The following DPP6 variants were observed in gnomAD, a reference collection of about 807,000 sequenced individuals.
DPP6 encodes the protein A-type potassium channel modulatory protein DPP6.
In DPP6, 69 loss-of-function variants were observed where a neutral mutation model predicts 122.6. The ratio of observed to expected loss-of-function variants is 0.56; its 90% confidence interval spans 0.46 to 0.69. The LOEUF (loss-of-function observed/expected upper bound fraction) is 0.69, where lower values mean the gene tolerates loss of function less well. Among genes scored for constraint, DPP6 ranks in the 30% least tolerant of loss-of-function variants. The probability of loss-of-function intolerance (pLI) is 0.00; values close to 1 mark genes in which losing one functional copy is unlikely to be tolerated. For synonymous variants in DPP6, 418 were observed against 433.1 expected (o/e 0.97, Z 0.43); for missense variants, 928 against 1,116.9 (o/e 0.83, Z 2.41).
At chr7:154,555,299 A>T (rs1176652428) in intron 4 of DPP6, among the ~76,000 whole-genome samples, 1 of 152,108 alleles carries the variant, frequency 6.6e-6, no homozygotes, top group East Asian at 1.9e-4. Context: ...AAAAATGATG[A>T]GTTCATGTCC....
intron 1 of DPP6, among the ~76,000 whole-genome samples, chr7:154,438,299 C>T (rs910351892): frequency 6.6e-6 from 1 of 151,056 alleles, no homozygotes; most frequent in African/African-American, 2.4e-5. Flanking sequence ...AACCCCGTCT[C>T]GACTAAAAAA....
chr7:154,057,053 T>C (rs1368859084), intron 1 of DPP6, among the ~76,000 whole-genome samples: 1 of 152,212 alleles, frequency 6.6e-6, no homozygotes, highest in Non-Finnish European at 1.5e-5. Flanking sequence ...AGAGTTGCAA[T>C]GTTGCCCTCT....
intron 1 of DPP6, among the ~76,000 whole-genome samples, chr7:154,239,991 T>C (rs1212159992): frequency 9.1e-5 from 6 of 66,212 alleles, no homozygotes; most frequent in Non-Finnish European, 1.5e-4. Context: ...GATGCTGTCT[T>C]TAAAAAAAAA....
chr7:154,650,296 G>T (rs955782238), intron 6 of DPP6, among the ~76,000 whole-genome samples: 3 of 152,014 alleles, frequency 2.0e-5, no homozygotes, highest in Non-Finnish European at 2.9e-5. Flanking sequence ...TTGCACTCCA[G>T]CCTGGACAAC....
In DPP6 at chr7:154,023,318, G is replaced by GCACGCACGCGCA. The variant is rs373378162; in HGVS notation, c.51+135587_51+135588insGCACGCGCACAC. Among the ~76,000 whole-genome samples the GCACGCACGCGCA allele has an allele frequency of 6.2e-5, 8 of 129,620 alleles. No individual in the cohort carries two copies. In the South Asian group the frequency reaches 2.1e-3, roughly 35 times the overall value. 85.0% of individuals were successfully genotyped at this position (129,620 alleles called of 152,430 possible). ...CAGGCTCTGGAAATGTTTCTTGTCT[G>GCACGCACGCGCA]CACACACACACACACACACACACAC... On this transcript the variant is annotated intron_variant, in intron 1 of 25. Coordinates refer to the DPP6 transcript ENST00000404039.
chr7:153,920,563 C>CTTTTTTTT (rs61553100), intron 1 of DPP6, among the ~76,000 whole-genome samples: 2,340 of 88,398 alleles, frequency 0.026, 265 homozygotes, highest in African/African-American at 0.049. Context: ...TTATCTCTCT[C>CTTTTTTTT]TTTTTTTTTT....
chr7:154,175,721 CT>C (rs34496609), intron 1 of DPP6, among the ~76,000 whole-genome samples: 6,250 of 135,832 alleles, frequency 0.046, 302 homozygotes, highest in African/African-American at 0.14. Context: ...TGGAGACTGG[CT>C]TTTTTTTTTT....
chr7:154,517,486 A>C (rs536576575), intron 3 of DPP6, among the ~76,000 whole-genome samples: 2 of 152,242 alleles, frequency 1.3e-5, no homozygotes, highest in African/African-American at 4.8e-5. Context: ...AGGTGAACTC[A>C]TGGTTCATAA....
chr7:154,112,972 G>A (rs1287895966), intron 1 of DPP6, among the ~76,000 whole-genome samples: 1 of 152,086 alleles, frequency 6.6e-6, no homozygotes, highest in East Asian at 1.9e-4. Context: ...AACCATGTAG[G>A]GTTTATCCTT....
intron 1 of DPP6, among the ~76,000 whole-genome samples, chr7:153,929,538 A>G (rs955408193): frequency 6.6e-6 from 1 of 151,992 alleles, no homozygotes; most frequent in African/African-American, 2.4e-5. Context: ...CAGCCTTAAG[A>G]TGGATGAGCT....
In DPP6 at chr7:154,238,823, T is replaced by A. The variant is rs568281943; in HGVS notation, c.243+185760T>A. Among the ~76,000 whole-genome samples, 3 of 152,342 alleles carry A rather than the reference T, an allele frequency of 2.0e-5. No homozygotes were observed. In the South Asian group the frequency reaches 6.2e-4, roughly 32 times the overall value. On this transcript the variant is annotated intron_variant, in intron 1 of 25. Transcript: ENST00000377770. ...AATACTACTATCCCAGTTTTACAAG[T>A]TAAAAACCCAAGGCCCAGAGACATT...
chr7:154,019,326 G>GC (rs1218250857), intron 1 of DPP6, among the ~76,000 whole-genome samples: 1 of 151,876 alleles, frequency 6.6e-6, no homozygotes, highest in African/African-American at 2.4e-5. Context: ...ATATTTATCT[G>GC]CCTCTACCTT....
intron 1 of DPP6, among the ~76,000 whole-genome samples, chr7:154,304,378 G>A (rs1214269651): frequency 2.0e-5 from 3 of 152,192 alleles, no homozygotes; most frequent in African/African-American, 4.8e-5. Flanking sequence ...CCCACTAACT[G>A]ACTGCTCCGG....
In DPP6 at chr7:154,053,030, G is replaced by C. The variant is rs1008079926; in HGVS notation, c.210G>C (p.Gln70His). Residue 70 changes from glutamine to histidine, a missense_variant, in exon 1 of 26, where the codon CAG (glutamine) becomes CAC (histidine). Gln to His is a conservative substitution (Grantham distance 24). Transcript: ENST00000377770. ...GGGAGGRPRF[Q>H]YQARSDGDEE... ...GCGCGGGTGGCCGGCCCCGGTTCCA[G>C]TACCAGGCGCGGAGCGATGGTGACG... is the stretch of plus-strand genomic sequence containing the variant. 16 of 1,060,330 alleles carry C rather than the reference G, an allele frequency of 1.5e-5. 1 individual carries two copies. In the African/African-American group the frequency reaches 2.2e-4, roughly 15 times the overall value. 65.7% of individuals were successfully genotyped at this position (1,060,330 alleles called of 1,614,324 possible).
intron 1 of DPP6, among the ~76,000 whole-genome samples, chr7:153,926,881 T>A (rs1800926557): frequency 6.6e-6 from 1 of 152,132 alleles, no homozygotes; most frequent in Non-Finnish European, 1.5e-5. Context: ...ACAGAAAACA[T>A]CTACGTATTT....
intron 8 of DPP6, 53 bp from the exon 9 acceptor site, chr7:154,769,364 C>A: frequency 6.2e-7 from 1 of 1,605,292 alleles, no homozygotes. Flanking sequence ...GGTGCAGCTC[C>A]AATTTCCACT....
intron 16 of DPP6, among the ~76,000 whole-genome samples, chr7:154,830,001 C>T (rs570627950): frequency 6.6e-6 from 1 of 152,200 alleles, no homozygotes; most frequent in African/African-American, 2.4e-5. Context: ...CTGCCGTTCT[C>T]ACCACCCGAT....
chr7:154,285,467 G>A (rs1374649576), intron 1 of DPP6, among the ~76,000 whole-genome samples: 6 of 152,168 alleles, frequency 3.9e-5, no homozygotes, highest in Admixed American at 3.9e-4. Flanking sequence ...GTTTCACCGT[G>A]TTGGCCAGGC....
the DPP6 span, among the ~76,000 whole-genome samples, chr7:153,829,509 C>T: frequency 4.5e-4 from 68 of 152,266 alleles, no homozygotes; most frequent in East Asian, 7.7e-3. Flanking sequence ...CCACCACGCC[C>T]GGCCTGTCCT....
Sources: gnomAD v4.1 joint callset for allele counts (sites outside exome capture counted in the v4.1 genomes callset) on GRCh38, gnomAD v4.1.1 for gene constraint, MANE v1.5 for transcripts, NCBI Gene and HGNC (gene_info 2026-07-23, HGNC 2026-07-21) for gene names.